DIS3L2: variants seen among roughly 807,000 people sequenced by gnomAD.
DIS3L2 encodes DIS3-like exonuclease 2.
DIS3L2 carries 34 observed loss-of-function variants against 97.5 expected under a neutral mutation model. The ratio of observed to expected loss-of-function variants is 0.35; its 90% CI spans 0.27 to 0.46. DIS3L2 has a LOEUF of 0.46. DIS3L2 is among the 20% of genes least tolerant of loss of function. The pLI, the probability that DIS3L2 is intolerant of heterozygous loss-of-function variation, is 1.00. For synonymous variants in DIS3L2, 435 were observed against 445.2 expected (o/e 0.98, Z 0.29); for missense variants, 1,038 against 1,146.0 (o/e 0.91, Z 1.36).
intron 5 of DIS3L2, among the ~76,000 whole-genome samples, chr2:232,056,626 A>G (rs1053859524): frequency 1.3e-5 from 2 of 152,218 alleles, no homozygotes; most frequent in Non-Finnish European, 2.9e-5. Context: ...AATGACTGAT[A>G]CAGGCTCTTC....
chr2:232,081,268 G>A (rs1696384330), intron 5 of DIS3L2, among the ~76,000 whole-genome samples: 2 of 152,096 alleles, frequency 1.3e-5, no homozygotes, highest in Non-Finnish European at 1.5e-5. Flanking sequence ...GTGGGTTCAG[G>A]TATTGCCTCT....
chr2:232,161,589 G>A (rs891899275), intron 8 of DIS3L2, among the ~76,000 whole-genome samples: 1 of 152,064 alleles, frequency 6.6e-6, no homozygotes, highest in African/African-American at 2.4e-5. Flanking sequence ...CTTTGCCTCA[G>A]CCACCCGAAT....
intron 1 of DIS3L2, among the ~76,000 whole-genome samples, chr2:232,005,179 T>TTTG (rs1258227071): frequency 6.7e-6 from 1 of 150,110 alleles, no homozygotes; most frequent in Non-Finnish European, 1.5e-5. Context: ...GATTTTTTTT[T>TTTG]TTTTTTTTTT....
rs191405249 is a variant in DIS3L2, at chr2:232,307,164, C to T, written c.1739+7045C>T. ...AGTTGTGGGTTTGCTTGTTGGCTTC[C>T]GCCACTGGCCTGATGCTTTTGAGGT... is the stretch of plus-strand genomic sequence containing the variant. On this transcript the variant is annotated intron_variant, in intron 14 of 20. Coordinates refer to ENST00000325385, the MANE Select transcript of DIS3L2 (RefSeq NM_152383.5). 1.6e-3 allele frequency among the ~76,000 whole-genome samples: 251 copies of T among 152,334 alleles called. 1 individual carries two copies. Among genetic ancestry groups the T allele is most frequent in the African/African-American group, 5.3e-3 (221 of 41,566 alleles).
At chr2:232,283,282 G>A (rs904335212) in intron 13 of DIS3L2, among the ~76,000 whole-genome samples, 1 of 152,180 alleles carries the variant, frequency 6.6e-6, no homozygotes, top group African/African-American at 2.4e-5. Context: ...TTTTATTTGA[G>A]GCAGGGTCTT....
At chr2:232,039,046 A>G (rs1297959868) in intron 5 of DIS3L2, among the ~76,000 whole-genome samples, 2 of 152,068 alleles carry the variant, frequency 1.3e-5, no homozygotes, top group African/African-American at 4.8e-5. Flanking sequence ...CGGGTTCCTT[A>G]TTATTTTGTT....
chr2:232,090,032 C>T (rs57616553), intron 6 of DIS3L2, among the ~76,000 whole-genome samples: 18,798 of 152,068 alleles, frequency 0.12, 1,596 homozygotes, highest in African/African-American at 0.24. Flanking sequence ...TGGGCTCAGG[C>T]GATCTTCCTG....
rs1695985315 is a variant in DIS3L2 at position 232,337,112 on chromosome 2, C to T, written c.*482C>T. 4 of 1,021,022 alleles carry T rather than the reference C, an allele frequency of 3.9e-6. No individual in the cohort carries two copies. The highest frequency in any genetic ancestry group is 4.7e-6 in the Non-Finnish European group (4 of 854,134). 63.2% of individuals were successfully genotyped at this position (1,021,022 alleles called of 1,614,324 possible). A position where few individuals can be genotyped will look rare whatever the true frequency, so the allele number is the denominator to read the frequency against. On this transcript the variant is annotated 3_prime_UTR_variant, in exon 21 of 21. Transcript: ENST00000325385. ...CCTGGAACTTTCCTGTCAGTTCCAACACGATTCAGAGCTGGCTGCCTGGCA... is the reference window on the plus strand; with the variant it reads ...CCTGGAACTTTCCTGTCAGTTCCAATACGATTCAGAGCTGGCTGCCTGGCA...
chr2:231,998,271 A>G (rs1339985498), intron 1 of DIS3L2, among the ~76,000 whole-genome samples: 1 of 152,208 alleles, frequency 6.6e-6, no homozygotes, highest in Non-Finnish European at 1.5e-5. Flanking sequence ...GTGGGAAGGC[A>G]TAAGGGCAAG....
At chr2:232,174,375 C>T (rs146413231) in intron 9 of DIS3L2, among the ~76,000 whole-genome samples, 96 of 152,044 alleles carry the variant, frequency 6.3e-4, no homozygotes, top group East Asian at 3.9e-3. Context: ...CACTTGAGAT[C>T]AGGAGTTTGA....
chr2:232,198,165 C>G (rs1691807076), intron 9 of DIS3L2, among the ~76,000 whole-genome samples: 1 of 152,000 alleles, frequency 6.6e-6, no homozygotes, highest in South Asian at 2.1e-4. Context: ...GTTTCCCCAC[C>G]CACAAAGTGA....
chr2:232,311,162 G>A (rs1695118941), intron 14 of DIS3L2, among the ~76,000 whole-genome samples: 1 of 152,202 alleles, frequency 6.6e-6, no homozygotes, highest in Non-Finnish European at 1.5e-5. Flanking sequence ...GGAAATGGGG[G>A]AGCCGCAAAA....
At chr2:232,076,172 C>T (rs941709477) in intron 5 of DIS3L2, among the ~76,000 whole-genome samples, 15 of 152,294 alleles carry the variant, frequency 9.8e-5, no homozygotes, top group African/African-American at 2.6e-4. Flanking sequence ...TATATTTTCA[C>T]GATTATTTGC....
At chr2:232,233,351 A>G (rs4973037) in intron 10 of DIS3L2, among the ~76,000 whole-genome samples, 11,250 of 152,188 alleles carry the variant, frequency 0.074, 998 homozygotes, top group East Asian at 0.41. Flanking sequence ...GCGTCCTTAC[A>G]TAGTAGAAAG....
At chr2:232,016,708 C>T (rs1004504969) in intron 3 of DIS3L2, among the ~76,000 whole-genome samples, 7 of 152,060 alleles carry the variant, frequency 4.6e-5, no homozygotes, top group Non-Finnish European at 7.4e-5. Context: ...GAGGCAGGGC[C>T]ACATATTCTG....
chr2:232,314,904 G>A (rs900019635), intron 14 of DIS3L2, among the ~76,000 whole-genome samples: 5 of 151,986 alleles, frequency 3.3e-5, no homozygotes, highest in East Asian at 1.9e-4. Flanking sequence ...TTTGTTTTCC[G>A]TATATCTGTA....
intron 5 of DIS3L2, among the ~76,000 whole-genome samples, chr2:232,064,369 T>C (rs1335731659): frequency 6.6e-6 from 1 of 152,198 alleles, no homozygotes; most frequent in Admixed American, 6.5e-5. Flanking sequence ...AATTTATCCA[T>C]GTTGTTCACT....
intron 17 of DIS3L2, 146 bp downstream of exon 17, chr2:232,334,133 T>G: frequency 7.3e-7 from 1 of 1,362,788 alleles, no homozygotes; most frequent in Non-Finnish European, 9.7e-7. Flanking sequence ...GAGCCTGGCC[T>G]GGAAACTCTC....
intron 6 of DIS3L2, among the ~76,000 whole-genome samples, chr2:232,116,820 AAAC>A (rs1488290367): frequency 2.1e-5 from 2 of 94,310 alleles, no homozygotes; most frequent in Middle Eastern, 4.0e-3. Flanking sequence ...AACAAACAAA[AAAC>A]AAACAAAAAG....
Sources: gnomAD v4.1 joint callset for allele counts (sites outside exome capture counted in the v4.1 genomes callset) on GRCh38, gnomAD v4.1.1 for gene constraint, MANE v1.5 for transcripts, NCBI Gene and HGNC (gene_info 2026-07-23, HGNC 2026-07-21) for gene names.